Variants in FAT3 observed in about 807,000 individuals in gnomAD.
FAT3 encodes protocadherin Fat 3.
FAT3 carries 95 observed loss-of-function variants against 310.2 expected under a neutral mutation model. The ratio of observed to expected loss-of-function variants is 0.31; its 90% CI spans 0.26 to 0.36. The LOEUF is 0.36. Among genes scored for constraint, FAT3 ranks in the 10% least tolerant of loss-of-function variants. FAT3 has a pLI of 1.00. For synonymous variants in FAT3, 2,314 were observed against 2,192.9 expected (o/e 1.06, Z -1.54); for missense variants, 5,408 against 5,715.6 (o/e 0.95, Z 1.74).
At chr11:92,879,372 G>C (rs1379054614) in intron 22 of FAT3, among the ~76,000 whole-genome samples, 1 of 152,200 alleles carries the variant, frequency 6.6e-6, no homozygotes, top group Non-Finnish European at 1.5e-5. Context: ...TCAGGGTGAA[G>C]CCAGTCAGAG....
rs1217105959 is a variant in FAT3 at position 92,315,477 on chromosome 11, GTGTATATA to G, written c.-17-36617_-17-36610del. On this transcript the variant is annotated intron_variant, in intron 1 of 27. Transcript: ENST00000525166. ...TATATGTGTGTGTGTGTGTGTGTGT[GTGTATATA>G]TATATATATATATATATATATATAT... Among the ~76,000 whole-genome samples, 260 of 81,560 alleles carry G rather than the reference GTGTATATA, an allele frequency of 3.2e-3. 2 individuals are homozygous for G. Among genetic ancestry groups the G allele is most frequent in the African/African-American group, 0.012 (242 of 20,270 alleles). 53.5% of individuals were successfully genotyped at this position (81,560 alleles called of 152,430 possible). A position where few individuals can be genotyped will look rare whatever the true frequency, so the allele number is the denominator to read the frequency against.
chr11:92,277,752 A>G (rs1486454300), intron 1 of FAT3, among the ~76,000 whole-genome samples: 1 of 152,080 alleles, frequency 6.6e-6, no homozygotes, highest in Non-Finnish European at 1.5e-5. Context: ...GTTGCTTACT[A>G]TGCATAGCAC....
intron 1 of FAT3, among the ~76,000 whole-genome samples, chr11:92,296,165 A>G (rs1274432482): frequency 6.6e-6 from 1 of 152,114 alleles, no homozygotes; most frequent in Non-Finnish European, 1.5e-5. Context: ...CCGAGGGTTA[A>G]AAATCTCAGA....
At chr11:92,411,383 C>T (rs2134921878) in intron 2 of FAT3, among the ~76,000 whole-genome samples, 1 of 151,758 alleles carries the variant, frequency 6.6e-6, no homozygotes, top group Non-Finnish European at 1.5e-5. Flanking sequence ...GTCGAGTGCC[C>T]AGAGAAGTAC....
Position 92,883,559 on chromosome 11 carries a change from C to G in FAT3, c.12937+166C>G, listed in dbSNP as rs1475859135. ...CCAGCTCTGGAAAATTGTCCTGGTT[C>G]TGGTTCCCATTTACAGATGGGAGAA... On this transcript the variant is annotated intron_variant, in intron 24 of 27. Coordinates refer to ENST00000525166, the MANE Select transcript of FAT3 (RefSeq NM_001367949.2). The surrounding 1 kb of genome is among the most constrained non-coding windows in gnomAD (Gnocchi z 4.2). Among the ~76,000 whole-genome samples, 1 of 152,148 alleles carries G rather than the reference C, an allele frequency of 6.6e-6. No homozygotes were observed. Among genetic ancestry groups the G allele is most frequent in the Non-Finnish European group, 1.5e-5 (1 of 68,038 alleles).
rs968044593 is a variant in FAT3 at position 92,345,615 on chromosome 11, G to C, written c.-17-6481G>C. Among the ~76,000 whole-genome samples, 5 of 152,326 alleles carry C rather than the reference G, an allele frequency of 3.3e-5. No individual in the cohort carries two copies. In the East Asian group the frequency reaches 7.7e-4, roughly 24 times the overall value. The stretch of plus-strand genomic sequence containing the variant: ...TTTAAGAGTCATAGCTTTAGAAGAA[G>C]TGGTGCTCACATTTGAATGGGGAAT... On this transcript the variant is annotated intron_variant, in intron 1 of 27. Transcript: ENST00000525166.
intron 2 of FAT3, among the ~76,000 whole-genome samples, chr11:92,468,277 G>T (rs891796317): frequency 6.6e-6 from 1 of 152,102 alleles, no homozygotes; most frequent in African/African-American, 2.4e-5. Context: ...CATGCATCTT[G>T]TTATAAGAAT....
chr11:92,415,849 C>CTTTTTTTTTTTTTTTTT (rs1196695394), intron 2 of FAT3, among the ~76,000 whole-genome samples: 12 of 70,404 alleles, frequency 1.7e-4, no homozygotes, highest in Non-Finnish European at 2.2e-4. Flanking sequence ...AGCATTTTTG[C>CTTTTTTTTTTTTTTTTT]TTTTTTTTTT....
At chr11:92,829,176 G>A (rs1378022375) in intron 13 of FAT3, among the ~76,000 whole-genome samples, 1 of 152,216 alleles carries the variant, frequency 6.6e-6, no homozygotes, top group Non-Finnish European at 1.5e-5. Flanking sequence ...GACTTTGCAT[G>A]TTGTTCCTCA....
chr11:92,365,355 C>A (rs1371286804), intron 2 of FAT3, among the ~76,000 whole-genome samples: 1 of 152,104 alleles, frequency 6.6e-6, no homozygotes, highest in African/African-American at 2.4e-5. Context: ...GGTAAAAAAA[C>A]AGACTTTGTA....
chr11:92,327,857 C>T (rs1383607101), intron 1 of FAT3, among the ~76,000 whole-genome samples: 1 of 152,214 alleles, frequency 6.6e-6, no homozygotes, highest in Non-Finnish European at 1.5e-5. Context: ...CTTTGGAGTG[C>T]AGTTTCAAGG....
chr11:92,859,664 G>T (rs771290569), intron 21 of FAT3, among the ~76,000 whole-genome samples: 1 of 152,086 alleles, frequency 6.6e-6, no homozygotes, highest in African/African-American at 2.4e-5. Flanking sequence ...TGGCTGTATC[G>T]TTTTCTACCA....
chr11:92,417,186 T>G (rs2134959744), intron 2 of FAT3, among the ~76,000 whole-genome samples: 1 of 152,352 alleles, frequency 6.6e-6, no homozygotes, highest in Admixed American at 6.5e-5. Flanking sequence ...ATTTCCTATT[T>G]TAAAAATGCT....
intron 2 of FAT3, among the ~76,000 whole-genome samples, chr11:92,516,705 G>A (rs891917558): frequency 6.6e-6 from 1 of 152,134 alleles, no homozygotes; most frequent in Non-Finnish European, 1.5e-5. Flanking sequence ...AATTGTCTCT[G>A]TTTGCAAATG....
At chr11:92,765,812 A>C (rs141179681) in intron 6 of FAT3, among the ~76,000 whole-genome samples, 118 of 149,128 alleles carry the variant, frequency 7.9e-4, no homozygotes, top group African/African-American at 2.3e-3. Context: ...TTTGACTTTT[A>C]TTTCTTTGCT....
At chr11:92,769,304 A>C (rs1310536055) in intron 6 of FAT3, among the ~76,000 whole-genome samples, 1 of 152,262 alleles carries the variant, frequency 6.6e-6, no homozygotes, top group East Asian at 1.9e-4. Context: ...GTGTTTAAAC[A>C]GCCCAACGCA....
At chr11:92,859,352 G>A (rs1370265283) in intron 21 of FAT3, 30 bp downstream of exon 21, 1 of 1,542,882 alleles carries the variant, frequency 6.5e-7, no homozygotes, top group Admixed American at 1.9e-5. Context: ...TTTTTCTGCA[G>A]TCAGTTCTCA....
At chr11:92,535,319 G>A (rs978245853) in intron 3 of FAT3, among the ~76,000 whole-genome samples, 2 of 152,252 alleles carry the variant, frequency 1.3e-5, no homozygotes, top group African/African-American at 4.8e-5. Flanking sequence ...AGGGAAGGAT[G>A]CTTCCCTAGG....
intron 1 of FAT3, chr11:92,336,206 A>G: frequency 1.8e-6 from 1 of 569,602 alleles, no homozygotes; most frequent in Non-Finnish European, 3.5e-6. Context: ...GGACCGGGAC[A>G]ATGGAGACGC....
Sources: allele counts gnomAD v4.1 joint callset (sites outside exome capture counted in the v4.1 genomes callset), GRCh38; gene constraint gnomAD v4.1.1; non-coding constraint Gnocchi (gnomAD v3.1); transcripts MANE v1.5; gene names NCBI Gene and HGNC (gene_info 2026-07-23, HGNC 2026-07-21).